MPZL1: variants seen among roughly 807,000 people sequenced by gnomAD.
The protein encoded by MPZL1 is myelin protein zero-like protein 1.
A neutral mutation model predicts 29.3 loss-of-function variants in MPZL1; 16 were observed. The ratio of observed to expected loss-of-function variants is 0.55; its 90% CI spans 0.37 to 0.83. The LOEUF is 0.83. Among genes scored for constraint, MPZL1 ranks in the 40% least tolerant of loss-of-function variants. MPZL1 has a pLI of 0.00. For missense variants in MPZL1, 279 were observed against 332.9 expected (o/e 0.84, Z 1.26); for synonymous variants, 143 against 132.0 (o/e 1.08, Z -0.57).
intron 1 of MPZL1, among the ~76,000 whole-genome samples, chr1:167,742,500 A>G (rs1660552528): frequency 6.6e-6 from 1 of 152,096 alleles, no homozygotes; most frequent in Non-Finnish European, 1.5e-5. Context: ...TAAGGAGTCC[A>G]TAGTCTATCA....
intron 1 of MPZL1, among the ~76,000 whole-genome samples, chr1:167,758,570 C>T (rs1660918473): frequency 6.6e-6 from 1 of 151,738 alleles, no homozygotes; most frequent in Non-Finnish European, 1.5e-5. Flanking sequence ...GGTTGTCCAT[C>T]CAAATTGTAA....
chr1:167,722,615 G>T (rs1412590272), intron 1 of MPZL1, among the ~76,000 whole-genome samples: 1 of 152,200 alleles, frequency 6.6e-6, no homozygotes, highest in Non-Finnish European at 1.5e-5. Flanking sequence ...AGGCCCTCCC[G>T]GATTCTGACT....
At chr1:167,750,930 G>A (rs1048274404) in intron 1 of MPZL1, among the ~76,000 whole-genome samples, 1 of 152,138 alleles carries the variant, frequency 6.6e-6, no homozygotes, top group Non-Finnish European at 1.5e-5. Context: ...ATATAAGCCA[G>A]TTACATAGTA....
chr1:167,750,750 T>C lies in MPZL1; in HGVS notation c.92-14833T>C, dbSNP rs775830878. Among the ~76,000 whole-genome samples the C allele has an allele frequency of 2.0e-5, 3 of 152,222 alleles. No homozygotes were observed. The East Asian group carries it at 5.8e-4, about 29-fold the overall frequency. On this transcript the variant is annotated intron_variant, in intron 1 of 5. Coordinates refer to ENST00000359523, the MANE Select transcript of MPZL1 (RefSeq NM_003953.6). ...AGTAACAGTACTGTTATCTAATATA[T>C]AGAGTTTATTTGGATGATGCCCGTT...
At chr1:167,766,351 G>A (rs1661114126) in intron 2 of MPZL1, among the ~76,000 whole-genome samples, 1 of 152,188 alleles carries the variant, frequency 6.6e-6, no homozygotes, top group African/African-American at 2.4e-5. Context: ...GTAACTAGTG[G>A]AGTGCTGGTT....
chr1:167,754,748 A>C (rs10918759), intron 1 of MPZL1, among the ~76,000 whole-genome samples: 23,584 of 152,210 alleles, frequency 0.15, 2,231 homozygotes, highest in East Asian at 0.35. Flanking sequence ...CTGGGTAGTA[A>C]TTACATGTTT....
intron 1 of MPZL1, among the ~76,000 whole-genome samples, chr1:167,756,892 A>G (rs1384717789): frequency 1.3e-5 from 2 of 152,114 alleles, no homozygotes; most frequent in Non-Finnish European, 2.9e-5. Context: ...AGCATTTACA[A>G]GGAAAGGACA....
intron 1 of MPZL1, among the ~76,000 whole-genome samples, chr1:167,762,610 G>C (rs538108376): frequency 6.6e-6 from 1 of 152,314 alleles, no homozygotes; most frequent in East Asian, 1.9e-4. Context: ...GATTGGCTAC[G>C]GCCTGTTTAC....
intron 4 of MPZL1, among the ~76,000 whole-genome samples, chr1:167,775,751 C>G (rs1234188351): frequency 6.6e-6 from 1 of 152,138 alleles, no homozygotes; most frequent in Non-Finnish European, 1.5e-5. Flanking sequence ...AAAAGACAAA[C>G]AGCAAAAGGA....
At chr1:167,782,717 T>C (rs1395368994) in intron 5 of MPZL1, among the ~76,000 whole-genome samples, 1 of 152,200 alleles carries the variant, frequency 6.6e-6, no homozygotes, top group Non-Finnish European at 1.5e-5. Flanking sequence ...GGAGATTGTC[T>C]TGGGTTATCT....
intron 5 of MPZL1, among the ~76,000 whole-genome samples, chr1:167,777,546 A>G (rs1029675911): frequency 2.0e-5 from 3 of 151,200 alleles, no homozygotes; most frequent in African/African-American, 7.3e-5. Flanking sequence ...GCTAAGATTT[A>G]TGAGGCTGAG....
In MPZL1 at chr1:167,728,499, T is replaced by G. The variant is rs150955769; in HGVS notation, c.91+6257T>G. On this transcript the variant is annotated intron_variant, in intron 1 of 5. Transcript: ENST00000359523. ...CTAGGATTATAGGCATGAGCCACCG[T>G]GCCCAACCTATTCATTGTCTTTTTC... Among the ~76,000 whole-genome samples the G allele has an allele frequency of 2.6e-5, 4 of 152,148 alleles. No individual in the cohort carries two copies. The East Asian group carries it at 7.7e-4, about 29-fold the overall frequency.
rs1171254132 is a variant in MPZL1, at chr1:167,789,119, G to A, written c.*1198G>A. 1 of 152,154 alleles carries A rather than the reference G, an allele frequency of 6.6e-6. No homozygotes were observed. The highest frequency in any genetic ancestry group is 1.5e-5 in the Non-Finnish European group (1 of 68,028). The allele number at this position is 152,154 out of a possible 1,614,324, so 9.4% of individuals were successfully genotyped here. A position where few individuals can be genotyped will look rare whatever the true frequency, so the allele number is the denominator to read the frequency against. ...TGCCTCAAAGACTGTTGAGGTTAATGAGAGCCTAGATTAGACAGTTTGGCT... is the reference window on the plus strand; with the variant it reads ...TGCCTCAAAGACTGTTGAGGTTAATAAGAGCCTAGATTAGACAGTTTGGCT... On this transcript the variant is annotated 3_prime_UTR_variant, in exon 6 of 6. Coordinates refer to ENST00000359523, the MANE Select transcript of MPZL1 (RefSeq NM_003953.6).
chr1:167,722,077 C>A lies in MPZL1; in HGVS notation c.-75C>A. The A allele has an allele frequency of 8.1e-7, 1 of 1,230,900 alleles. No homozygotes were observed. The highest frequency in any genetic ancestry group is 4.1e-5 in the South Asian group (1 of 24,320). 76.2% of individuals were successfully genotyped at this position (1,230,900 alleles called of 1,614,324 possible). A position where few individuals can be genotyped will look rare whatever the true frequency, so the allele number is the denominator to read the frequency against. On this transcript the variant is annotated 5_prime_UTR_variant, in exon 1 of 6. Coordinates refer to ENST00000359523, the MANE Select transcript of MPZL1 (RefSeq NM_003953.6). ...GCGGAGAGATCAGAAGCCTCTTCCC[C>A]AAGCCGAGCCAACCTCAGCGGGGAC...
chr1:167,767,854 A>ATTTTGTTTTG (rs61669633), intron 2 of MPZL1, among the ~76,000 whole-genome samples: 64 of 117,130 alleles, frequency 5.5e-4, no homozygotes, highest in Admixed American at 2.5e-3. Context: ...TTTTGTAATC[A>ATTTTGTTTTG]TTTTGTTTTG....
At chr1:167,780,324 C>T (rs1269928229) in intron 5 of MPZL1, among the ~76,000 whole-genome samples, 2 of 152,220 alleles carry the variant, frequency 1.3e-5, no homozygotes, top group East Asian at 3.9e-4. Context: ...GATAGAAAAG[C>T]AAGAACCAAT....
chr1:167,782,017 TTCTC>T (rs1436043798), intron 5 of MPZL1, among the ~76,000 whole-genome samples: 1 of 152,108 alleles, frequency 6.6e-6, no homozygotes, highest in East Asian at 1.9e-4. Flanking sequence ...GTATTATACT[TTCTC>T]TATGCTCTAA....
intron 1 of MPZL1, among the ~76,000 whole-genome samples, chr1:167,736,291 T>C (rs1340645615): frequency 2.0e-5 from 3 of 152,222 alleles, no homozygotes; most frequent in African/African-American, 7.2e-5. Flanking sequence ...TTTGTCTGTT[T>C]GTTGACAGTG....
chr1:167,785,957 G>A lies in MPZL1; in HGVS notation c.709-1863G>A, dbSNP rs185735819. Among the ~76,000 whole-genome samples the A allele has an allele frequency of 1.7e-3, 252 of 152,036 alleles. 3 individuals are homozygous for A. The highest frequency in any genetic ancestry group is 6.0e-3 in the African/African-American group (249 of 41,484). The stretch of plus-strand genomic sequence containing the variant: ...CCAGGCGCCCACCACCATGCCCGGC[G>A]AATTTTTTTGTATTTTTAGTAGAGA... On this transcript the variant is annotated intron_variant, in intron 5 of 5. Coordinates refer to ENST00000359523, the MANE Select transcript of MPZL1 (RefSeq NM_003953.6).
Sources: gnomAD v4.1 joint callset for allele counts (sites outside exome capture counted in the v4.1 genomes callset) on GRCh38, gnomAD v4.1.1 for gene constraint, MANE v1.5 for transcripts, NCBI Gene and HGNC (gene_info 2026-07-23, HGNC 2026-07-21) for gene names.